The following SHANK1 variants were observed in gnomAD, a reference collection of about 807,000 sequenced individuals.
SHANK1 encodes the protein SH3 and multiple ankyrin repeat domains 1, also known as SH3 and multiple ankyrin repeat domains protein 1.
SHANK1 carries 35 observed loss-of-function variants against 165.6 expected under a neutral mutation model. The ratio of observed to expected loss-of-function variants is 0.21; its 90% confidence interval spans 0.16 to 0.28. The LOEUF (loss-of-function observed/expected upper bound fraction) is 0.28. SHANK1 is among the 10% of genes least tolerant of loss of function. SHANK1 has a pLI of 1.00. For missense variants in SHANK1, 2,681 were observed against 3,036.4 expected (o/e 0.88, Z 2.75); for synonymous variants, 1,428 against 1,384.8 (o/e 1.03, Z -0.69).
In SHANK1 at chr19:50,703,016, G is replaced by A. The variant is rs545837791; in HGVS notation, c.1554-356C>T. Among the ~76,000 whole-genome samples, 4 of 152,128 alleles carry A rather than the reference G, an allele frequency of 2.6e-5. No homozygotes were observed. In the South Asian group the frequency reaches 6.2e-4, roughly 24 times the overall value. ...GTCAGGTCCAACTCCTCTGCCCGCC[G>A]TTGCCAGCCTCTCCCCCACTTCCTC... On this transcript the variant is annotated intron_variant, in intron 11 of 23. Transcript: ENST00000293441.
chr19:50,666,437 C>A lies in SHANK1; in HGVS notation c.5523G>T (p.Glu1841Asp), dbSNP rs748297797. ...GTGGTGGCGGTGGGCCCGGGCCCTC[C>A]TCCCAGGGCAGCAGCTTCCGGGGCA... Reference protein sequence around the residue: ...SSLPRKLLPWEEGPGPPPPPL... With the variant: ...SSLPRKLLPWDEGPGPPPPPL... Residue 1841 changes from glutamate (E) to aspartate (D), a missense_variant, in exon 23 of 24, where the codon GAG (glutamate) becomes GAT (aspartate). Physicochemically the swap from Glu to Asp is conservative, Grantham distance 45. Coordinates refer to ENST00000293441, the MANE Select transcript of SHANK1 (RefSeq NM_016148.5). The A allele has an allele frequency of 6.2e-7, 1 of 1,610,078 alleles. No individual in the cohort carries two copies. Among genetic ancestry groups the A allele is most frequent in the Non-Finnish European group, 8.5e-7 (1 of 1,178,904 alleles).
rs374471895 is a variant in SHANK1, at chr19:50,669,129, C to T, written c.2831G>A (p.Arg944His). The change falls in exon 23 of 24, where the codon CGC (arginine) becomes CAC (histidine). Residue 944 changes from arginine (R) to histidine (H), a missense_variant. Physicochemically the swap from Arg to His is conservative, Grantham distance 29. Transcript: ENST00000293441. The stretch of plus-strand genomic sequence containing the variant: ...CCCTCCCCGAGGGGAGGGGGTGAGG[C>T]GCCCTGAGGAGGAGGGGACTGGAGG... ...STPPVPSSSG[R>H]LTPSPRGGPF... 8.5e-6 allele frequency: 13 copies of T among 1,524,446 alleles called. No homozygotes were observed. Among genetic ancestry groups the T allele is most frequent in the Non-Finnish European group, 1.1e-5 (13 of 1,136,142 alleles). 94.4% of individuals were successfully genotyped at this position (1,524,446 alleles called of 1,614,324 possible).
In SHANK1 at chr19:50,661,041, A is replaced by G. The variant is rs930686468; in HGVS notation, c.*924T>C. 6.6e-6 allele frequency among the ~76,000 whole-genome samples: 1 copy of G among 151,984 alleles called. No individual in the cohort carries two copies. The highest frequency in any genetic ancestry group is 1.5e-5 in the Non-Finnish European group (1 of 67,996). On this transcript the variant is annotated 3_prime_UTR_variant, in exon 24 of 24. Coordinates refer to ENST00000293441, the MANE Select transcript of SHANK1 (RefSeq NM_016148.5). ...AGAAGGGAAAGTGCTTCAACGTAAGAAAATGGAGGTAAGAGTGTGTCAGGA... is the reference window on the plus strand; with the variant it reads ...AGAAGGGAAAGTGCTTCAACGTAAGGAAATGGAGGTAAGAGTGTGTCAGGA...
chr19:50,666,276 C>G lies in SHANK1; in HGVS notation c.5684G>C (p.Arg1895Pro). 2 of 1,611,452 alleles carry G rather than the reference C, an allele frequency of 1.2e-6. No individual in the cohort carries two copies. Among genetic ancestry groups the G allele is most frequent in the South Asian group, 1.1e-5 (1 of 90,698 alleles). Residue 1895 changes from arginine (R) to proline (P), a missense_variant, in exon 23 of 24, where the codon CGA becomes CCA. Physicochemically the swap from Arg to Pro is moderately radical, Grantham distance 103. Transcript: ENST00000293441. Reference sequence around the variant, plus strand: ...GTCTCCGCCTCCCCCACTGCCTCCTCGGGCCCAGGGCAGAGCGCCGCCAGC... The same window carrying G: ...GTCTCCGCCTCCCCCACTGCCTCCTGGGGCCCAGGGCAGAGCGCCGCCAGC... The part of the protein sequence containing the change: ...SAAGGALPWA[R>P]GGSGGGGDSH...
rs1022296701 is a variant in SHANK1 at position 50,686,115 on chromosome 19, C to T, written c.2577+122G>A. On this transcript the variant is annotated intron_variant, in intron 21 of 23. Transcript: ENST00000293441. This position sits in a 1 kb window ranked among gnomAD's most constrained non-coding sequence, Gnocchi z 5.7. The stretch of plus-strand genomic sequence containing the variant: ...AAGGAGGAAACCCTAGGATGTGTGT[C>T]GCCCCTCCAGGACCAGCCTAAAGCA... 1.1e-4 allele frequency: 57 copies of T among 501,894 alleles called. No individual in the cohort carries two copies. Among genetic ancestry groups the T allele is most frequent in the Non-Finnish European group, 1.8e-4 (51 of 282,902 alleles). The allele number at this position is 501,894 out of a possible 1,614,324, so 31.1% of individuals were successfully genotyped here.
chr19:50,665,651 T>G (rs1985459869), intron 23 of SHANK1, among the ~76,000 whole-genome samples: 1 of 147,702 alleles, frequency 6.8e-6, no homozygotes, highest in Non-Finnish European at 1.5e-5. Context: ...CCCAGAGGAT[T>G]GCTTGAGCCC....
intron 21 of SHANK1, among the ~76,000 whole-genome samples, chr19:50,684,398 G>A (rs1986270400): frequency 1.3e-5 from 2 of 152,090 alleles, no homozygotes; most frequent in South Asian, 4.1e-4. Flanking sequence ...GCCAATTTTT[G>A]TATTTTTAGT....
Position 50,713,983 on chromosome 19 carries a change from C to T in SHANK1, c.641-34G>A. 2 of 1,610,918 alleles carry T rather than the reference C, an allele frequency of 1.2e-6. No homozygotes were observed. Among genetic ancestry groups the T allele is most frequent in the Non-Finnish European group, 1.7e-6 (2 of 1,178,096 alleles). On this transcript the variant is annotated intron_variant, in intron 5 of 23. Coordinates refer to ENST00000293441, the MANE Select transcript of SHANK1 (RefSeq NM_016148.5). The surrounding 1 kb of genome is among the most constrained non-coding windows in gnomAD (Gnocchi z 6.2). ...CGGGAAAAGCTGGTCACATGAAGCC[C>T]CTTCTCCTCCCCTCCATCCCTTCCC...
intron 23 of SHANK1, among the ~76,000 whole-genome samples, chr19:50,663,940 C>CTCT (rs370276151): frequency 0.017 from 1,898 of 108,844 alleles, 82 homozygotes; most frequent in African/African-American, 0.068. Flanking sequence ...CTCTCTCTCT[C>CTCT]TTTTTTTTTT....
intron 8 of SHANK1, among the ~76,000 whole-genome samples, chr19:50,705,793 A>G (rs2088931473): frequency 6.6e-6 from 1 of 152,178 alleles, no homozygotes; most frequent in African/African-American, 2.4e-5. Flanking sequence ...AAGCTCATTG[A>G]ATTGCCCAAC....
rs753686549 is a variant in SHANK1, at chr19:50,667,374, G to C, written c.4586C>G (p.Pro1529Arg). The change falls in exon 23 of 24, where the codon CCC (proline) becomes CGC (arginine). Residue 1529 changes from proline (P) to arginine (R), a missense_variant. By Grantham distance (103) the Pro-to-Arg change is moderately radical (BLOSUM62 -2). Around this residue, in one of 10 missense-constraint regions of SHANK1, gnomAD observed 1,713 missense variants for 1,630.2 expected, o/e 1.05. Coordinates refer to ENST00000293441, the MANE Select transcript of SHANK1 (RefSeq NM_016148.5). The surrounding 1 kb of genome is among the most constrained non-coding windows in gnomAD (Gnocchi z 5.7). Reference protein sequence around the residue: ...PPPSPRRSVPPSPTSPRASEE... With the variant: ...PPPSPRRSVPRSPTSPRASEE... ...GCTGGCCCTCGGGGAGGTCGGGGAG[G>C]GGGGCACGGACCGGCGTGGGCTGGG... 24 of 1,534,446 alleles carry C rather than the reference G, an allele frequency of 1.6e-5. No individual in the cohort carries two copies. The highest frequency in any genetic ancestry group is 4.0e-5 in the African/African-American group (3 of 74,236).
Position 50,713,930 on chromosome 19 carries a change from C to T in SHANK1, c.660G>A (p.Ala220=), listed in dbSNP as rs775556161. ...CCTCTACAGAGCCTTCGGTCTGGGC[C>T]GCCAGTGTCAAGGGGGTCTCTGAAG... ...SDSGETPLTL[A]AQTEGSVEVI... is the part of the protein sequence containing the mutation. The change falls in exon 6 of 24, where the codon GCG becomes GCA. Residue 220 remains alanine (A), a synonymous_variant. Transcript: ENST00000293441. The surrounding 1 kb of genome is among the most constrained non-coding windows in gnomAD (Gnocchi z 6.2). 34 of 1,613,678 alleles carry T rather than the reference C, an allele frequency of 2.1e-5. No individual in the cohort carries two copies. The highest frequency in any genetic ancestry group is 1.7e-4 in the African/African-American group (13 of 74,884).
intron 23 of SHANK1, among the ~76,000 whole-genome samples, chr19:50,664,901 C>A (rs1232335469): frequency 6.6e-6 from 1 of 152,136 alleles, no homozygotes; most frequent in South Asian, 2.1e-4. Context: ...ACTACAGGTG[C>A]CCACCACCAT....
In SHANK1 at chr19:50,661,323, G is replaced by A. The variant is rs574323803; in HGVS notation, c.*642C>T. 2.6e-5 allele frequency among the ~76,000 whole-genome samples: 4 copies of A among 152,268 alleles called. No individual in the cohort carries two copies. In the South Asian group the frequency reaches 6.2e-4, roughly 24 times the overall value. On this transcript the variant is annotated 3_prime_UTR_variant, in exon 24 of 24. Coordinates refer to ENST00000293441, the MANE Select transcript of SHANK1 (RefSeq NM_016148.5). ...GTGAGAAAGGAAATGCAGCGTGTGC[G>A]AGGAGAGCAGAGTGTATTTGAGCGG...
chr19:50,677,598 G>T (rs1038436564), intron 21 of SHANK1, among the ~76,000 whole-genome samples: 2 of 152,090 alleles, frequency 1.3e-5, no homozygotes, highest in Non-Finnish European at 2.9e-5. Context: ...CTTATACCTT[G>T]AGAGCCCAGC....
chr19:50,686,856 G>A lies in SHANK1; in HGVS notation c.2390-44C>T, dbSNP rs1376930310. ...GATGACGCCCAGGGAGCCCCCGGGG[G>A]CGGGGCGGAGCGGGCTCGGCCTGTG... On this transcript the variant is annotated intron_variant, in intron 19 of 23. Transcript: ENST00000293441. The surrounding 1 kb of genome is among the most constrained non-coding windows in gnomAD (Gnocchi z 5.7). 8.1e-6 allele frequency: 13 copies of A among 1,606,954 alleles called. No individual in the cohort carries two copies. Among genetic ancestry groups the A allele is most frequent in the East Asian group, 2.2e-5 (1 of 44,676 alleles).
chr19:50,668,665 G>C lies in SHANK1; in HGVS notation c.3295C>G (p.Pro1099Ala). Residue 1099 changes from proline to alanine, a missense_variant, in exon 23 of 24, where the codon CCC becomes GCC. By Grantham distance (27) the Pro-to-Ala change is conservative. This residue lies in a region of SHANK1 where 1,713 missense variants were observed against 1,630.2 expected (regional missense o/e 1.05). Coordinates refer to ENST00000293441, the MANE Select transcript of SHANK1 (RefSeq NM_016148.5). ...PRAASAAMYV[P>A]ARSGRGRKGP... ...TTGCGGCCGCGGCCCGAGCGGGCGG[G>C]CACGTACATGGCTGCGCTGGCCGCC... The C allele has an allele frequency of 2.2e-6, 3 of 1,360,034 alleles. No individual in the cohort carries two copies. The highest frequency in any genetic ancestry group is 2.8e-6 in the Non-Finnish European group (3 of 1,057,374). 84.2% of individuals were successfully genotyped at this position (1,360,034 alleles called of 1,614,324 possible).
chr19:50,709,817 T>A (rs979835891), intron 8 of SHANK1, among the ~76,000 whole-genome samples: 1 of 152,190 alleles, frequency 6.6e-6, no homozygotes, highest in African/African-American at 2.4e-5. Flanking sequence ...TCCCAAAGTG[T>A]TGGGATTACA....
chr19:50,704,219 G>T (rs757953925), intron 9 of SHANK1, 33 bp from the exon 10 acceptor site: 11 of 1,606,168 alleles, frequency 6.8e-6, no homozygotes, highest in African/African-American at 4.0e-5. Context: ...GGTCGGCCAG[G>T]GGGGCCCAGG....
Sources: gnomAD v4.1 joint callset for allele counts (sites outside exome capture counted in the v4.1 genomes callset) on GRCh38, gnomAD v4.1.1 for gene constraint, gnomAD v4.1.1 regional missense constraint, Gnocchi (gnomAD v3.1) non-coding constraint, MANE v1.5 for transcripts, NCBI Gene and HGNC (gene_info 2026-07-23, HGNC 2026-07-21) for gene names.